HMCN1: variants seen among roughly 807,000 people sequenced by gnomAD.
HMCN1 encodes hemicentin 1.
In HMCN1, 321 loss-of-function variants were observed where a neutral mutation model predicts 625.9. The ratio of observed to expected loss-of-function variants is 0.51; its 90% CI spans 0.47 to 0.56. The LOEUF (loss-of-function observed/expected upper bound fraction) is 0.56, where lower values mean the gene tolerates loss of function less well. HMCN1 is among the 20% of genes least tolerant of loss of function. The pLI is 0.00. For synonymous variants in HMCN1, 2,425 were observed against 2,417.6 expected, an observed-to-expected ratio of 1.00 and a Z score of -0.09; for missense variants, 6,588 against 6,887.3, an observed-to-expected ratio of 0.96 and a Z score of 1.54.
intron 2 of HMCN1, among the ~76,000 whole-genome samples, chr1:185,861,011 T>A (rs1662834656): frequency 6.6e-6 from 1 of 152,178 alleles, no homozygotes; most frequent in East Asian, 1.9e-4. Flanking sequence ...GTACATGATT[T>A]TTTTAGGGCT....
At position 186,087,597 on chromosome 1, in the gene HMCN1, T is replaced by C. The variant is rs770089993; in HGVS notation, c.9315T>C (p.His3105=). Residue 3105 remains histidine (H), a synonymous_variant, in exon 60 of 107, where the codon CAT becomes CAC. Transcript: ENST00000271588. ...GGCGGATGATAACAGAGTCTACTCA[T>C]GTGGAGATTTTAGCTGATGGACAAA... ...KNGRMITEST[H]VEILADGQML... is the part of the protein sequence containing the mutation. The C allele has an allele frequency of 6.2e-7, 1 of 1,613,284 alleles. No individual in the cohort carries two copies. Among genetic ancestry groups the C allele is most frequent in the South Asian group, 1.1e-5 (1 of 91,068 alleles).
In HMCN1 at chr1:186,106,912, T is replaced by A; in HGVS notation, c.10799T>A (p.Leu3600Gln). Residue 3600 changes from leucine (L) to glutamine (Q), a missense_variant, in exon 70 of 107, where the codon CTG (leucine) becomes CAG (glutamine). This residue lies in a region of HMCN1 where 4,628 missense variants were observed against 4,853.1 expected (regional missense o/e 0.95). Transcript: ENST00000271588. The part of the protein sequence containing the change: ...QVEDTGRYTC[L>Q]ASSPAGDDDK... ...GAGGATACAGGAAGATATACATGTC[T>A]GGCATCCAGTCCTGCAGGAGATGAT... The A allele has an allele frequency of 6.2e-7, 1 of 1,612,542 alleles. No homozygotes were observed. Among genetic ancestry groups the A allele is most frequent in the Non-Finnish European group, 8.5e-7 (1 of 1,178,552 alleles).
chr1:186,098,172 G>A (rs1219803458), intron 68 of HMCN1, among the ~76,000 whole-genome samples: 2 of 151,784 alleles, frequency 1.3e-5, no homozygotes, highest in Non-Finnish European at 2.9e-5. Context: ...GAACTCAAAA[G>A]CATGGGCAAC....
At position 186,190,009 on chromosome 1, in the gene HMCN1, G is replaced by A. The variant is rs2102688407; in HGVS notation, c.*131G>A. Reference sequence around the variant, plus strand: ...AAAATGGTGCTACACTCTGTTTTGTGTGCCTTCCTTGGTACTTCTGAGGTA... The same window carrying A: ...AAAATGGTGCTACACTCTGTTTTGTATGCCTTCCTTGGTACTTCTGAGGTA... On this transcript the variant is annotated 3_prime_UTR_variant, in exon 107 of 107. Transcript: ENST00000271588. 7 of 1,028,658 alleles carry A rather than the reference G, an allele frequency of 6.8e-6. No homozygotes were observed. In the South Asian group the frequency reaches 7.7e-5, roughly 11 times the overall value. 63.7% of individuals were successfully genotyped at this position (1,028,658 alleles called of 1,614,324 possible).
chr1:186,055,662 T>G lies in HMCN1; in HGVS notation c.7132T>G (p.Leu2378Val). 1 of 1,612,526 alleles carries G rather than the reference T, an allele frequency of 6.2e-7. No homozygotes were observed. Among genetic ancestry groups the G allele is most frequent in the South Asian group, 1.1e-5 (1 of 91,062 alleles). ...AGGAATGACTGACAAAAAATATGAC[T>G]TAAGTGTCCATGGTAAGTAGAAAGA... ...VAGMTDKKYD[L>V]SVHAPPSIIG... Residue 2378 changes from leucine (L) to valine (V), a missense_variant, in exon 45 of 107, where the codon TTA (leucine) becomes GTA (valine). This residue lies in a region of HMCN1 where 4,628 missense variants were observed against 4,853.1 expected (regional missense o/e 0.95). Transcript: ENST00000271588.
intron 1 of HMCN1, among the ~76,000 whole-genome samples, chr1:185,756,884 G>GC (rs1553234448): frequency 6.6e-6 from 1 of 150,874 alleles, no homozygotes; most frequent in Non-Finnish European, 1.5e-5. Context: ...GGTCTCTGCT[G>GC]TTTTTTTTCC....
At chr1:186,151,155 T>A (rs759366826) in intron 93 of HMCN1, 45 bp from the exon 94 acceptor site, 1 of 1,605,178 alleles carries the variant, frequency 6.2e-7, no homozygotes, top group East Asian at 2.2e-5. Context: ...GTAATGTTGA[T>A]GAAATTGCAT....
In HMCN1 at chr1:186,145,841, C is replaced by T; in HGVS notation, c.14526C>T (p.Asp4842=). 1 of 1,614,086 alleles carries T rather than the reference C, an allele frequency of 6.2e-7. No homozygotes were observed. ...GGEKTRKRLC[D]HPVPVKGGRP... ...AAAAGACTCGGAAGCGGCTGTGCGACCATCCTGTGCCAGTTAAAGGTGGCC... is the reference window on the plus strand; with the variant it reads ...AAAAGACTCGGAAGCGGCTGTGCGATCATCCTGTGCCAGTTAAAGGTGGCC... The change falls in exon 93 of 107, where the codon GAC becomes GAT. Residue 4842 remains aspartate (D), a synonymous_variant. Coordinates refer to ENST00000271588, the MANE Select transcript of HMCN1 (RefSeq NM_031935.3).
At chr1:186,032,371 C>T (rs1655514653) in intron 36 of HMCN1, among the ~76,000 whole-genome samples, 1 of 152,138 alleles carries the variant, frequency 6.6e-6, no homozygotes, top group Non-Finnish European at 1.5e-5. Flanking sequence ...TACCACCTTA[C>T]TCCTGCAAGA....
chr1:185,949,010 A>G (rs972603230), intron 11 of HMCN1, among the ~76,000 whole-genome samples: 3 of 151,906 alleles, frequency 2.0e-5, no homozygotes, highest in African/African-American at 7.3e-5. Context: ...TTGAGAAACT[A>G]AATGGAATAA....
At chr1:186,130,990 A>G (rs1661905336) in intron 85 of HMCN1, among the ~76,000 whole-genome samples, 1 of 152,186 alleles carries the variant, frequency 6.6e-6, no homozygotes, top group Non-Finnish European at 1.5e-5. Flanking sequence ...AGAATTACAA[A>G]CACAGTTACA....
intron 51 of HMCN1, 48 bp from the exon 52 acceptor site, chr1:186,070,564 G>A: frequency 6.8e-7 from 1 of 1,479,582 alleles, no homozygotes; most frequent in East Asian, 2.3e-5. Flanking sequence ...GGTATTCCAT[G>A]TATTGAAAAT....
intron 36 of HMCN1, among the ~76,000 whole-genome samples, chr1:186,026,708 A>G (rs1463702904): frequency 5.3e-5 from 8 of 152,080 alleles, no homozygotes; most frequent in Non-Finnish European, 1.0e-4. Context: ...GTCATGACTC[A>G]TTACAGCCCG....
At chr1:186,050,528 A>G (rs1656882050) in intron 42 of HMCN1, among the ~76,000 whole-genome samples, 1 of 152,008 alleles carries the variant, frequency 6.6e-6, no homozygotes, top group Non-Finnish European at 1.5e-5. Context: ...GAAACTAACG[A>G]CAGTGTTGTT....
chr1:186,144,658 G>A lies in HMCN1; in HGVS notation c.14221G>A (p.Gly4741Arg), dbSNP rs1289597890. The change falls in exon 91 of 107, where the codon GGG becomes AGG. Residue 4741 changes from glycine (G) to arginine (R), a missense_variant. This residue lies in a region of HMCN1 where 1,954 missense variants were observed against 2,013.1 expected (regional missense o/e 0.97). Coordinates refer to ENST00000271588, the MANE Select transcript of HMCN1 (RefSeq NM_031935.3). The stretch of plus-strand genomic sequence containing the variant: ...CCAGTATGGAGGAAGGAAATGCGAA[G>A]GGAGTGATGTCCAGAGTGATTTTTG... ...VPQYGGRKCE[G>R]SDVQSDFCNS... is the part of the protein sequence containing the mutation. 6 of 1,614,020 alleles carry A rather than the reference G, an allele frequency of 3.7e-6. No homozygotes were observed. The highest frequency in any genetic ancestry group is 1.7e-5 in the Admixed American group (1 of 59,994).
At position 186,119,183 on chromosome 1, in the gene HMCN1, A is replaced by C. The variant is rs78780269; in HGVS notation, c.11849-8A>C. 14,998 of 1,606,226 alleles carry C rather than the reference A, an allele frequency of 9.3e-3. 553 individuals carry two copies. The highest frequency in any genetic ancestry group is 0.074 in the African/African-American group (5,520 of 74,736). On this transcript the variant is annotated splice_region_variant and splice_polypyrimidine_tract_variant and intron_variant, in intron 77 of 106. Coordinates refer to ENST00000271588, the MANE Select transcript of HMCN1 (RefSeq NM_031935.3). ...AGTATATATTAAAACATTTTTTTTC[A>C]TTTTTAGGAGCAATTGAAATACTTG... is the stretch of plus-strand genomic sequence containing the variant.
At chr1:185,834,104 A>T (rs1253347158) in intron 1 of HMCN1, among the ~76,000 whole-genome samples, 1 of 152,170 alleles carries the variant, frequency 6.6e-6, no homozygotes, top group Non-Finnish European at 1.5e-5. Flanking sequence ...TCACTGTCTA[A>T]GTTCTGGAGA....
chr1:185,788,789 AT>A (rs11374278), intron 1 of HMCN1, among the ~76,000 whole-genome samples: 33 of 151,122 alleles, frequency 2.2e-4, no homozygotes, highest in East Asian at 3.9e-4. Flanking sequence ...TTTTTAATGG[AT>A]TTTTTTTTCA....
intron 97 of HMCN1, among the ~76,000 whole-genome samples, chr1:186,162,080 A>T (rs1242503545): frequency 1.3e-5 from 2 of 152,038 alleles, no homozygotes; most frequent in Non-Finnish European, 2.9e-5. Flanking sequence ...TTTGGTCTTT[A>T]CACGTAGTCC....
Sources: allele counts gnomAD v4.1 joint callset (sites outside exome capture counted in the v4.1 genomes callset), GRCh38; gene constraint gnomAD v4.1.1; regional missense constraint gnomAD v4.1.1; transcripts MANE v1.5; gene names NCBI Gene and HGNC (gene_info 2026-07-23, HGNC 2026-07-21).